The following KLHL10 variants were observed in gnomAD, a reference collection of about 807,000 sequenced individuals.
KLHL10 encodes kelch-like protein 10.
In KLHL10, 11 loss-of-function variants were observed where a neutral mutation model predicts 46.6. That is an observed-to-expected ratio of 0.24 (90% CI 0.15 to 0.39). The LOEUF is 0.39. KLHL10 is among the 10% of genes least tolerant of loss of function. KLHL10 has a pLI of 1.00. For missense variants in KLHL10, 475 were observed against 789.8 expected (o/e 0.60, Z 4.78); for synonymous variants, 254 against 279.1 (o/e 0.91, Z 0.90).
chr17:41,845,065 G>A, intron 2 of KLHL10, 61 bp from the exon 3 acceptor site: 4 of 1,606,568 alleles, frequency 2.5e-6, no homozygotes, highest in Non-Finnish European at 3.4e-6. Flanking sequence ...TGGGAGTTAA[G>A]GATGTGGGAT....
At chr17:41,847,873 C>A in intron 4 of KLHL10, 60 bp from the exon 5 acceptor site, 1 of 1,606,954 alleles carries the variant, frequency 6.2e-7, no homozygotes, top group Non-Finnish European at 8.5e-7. Context: ...CCAACAAGGG[C>A]TTCCTCAGTG....
chr17:41,841,256 C>T (rs2048223537), intron 1 of KLHL10, among the ~76,000 whole-genome samples: 1 of 152,078 alleles, frequency 6.6e-6, no homozygotes, highest in South Asian at 2.1e-4. Flanking sequence ...AAATGCATAT[C>T]AAATCATCAT....
At chr17:41,835,755 G>T, upstream of KLHL10, 1 of 1,175,346 alleles carries the variant, frequency 8.5e-7, no homozygotes, top group Non-Finnish European at 1.2e-6. Context: ...TTGGGGCAGA[G>T]AGCTAGGAGG....
chr17:41,841,197 T>A (rs1179194776), intron 1 of KLHL10, among the ~76,000 whole-genome samples: 2 of 151,892 alleles, frequency 1.3e-5, no homozygotes, highest in African/African-American at 4.8e-5. Flanking sequence ...AGCATTCCTG[T>A]TCTCATGAAG....
At chr17:41,838,754 T>C (rs1418718585) in intron 1 of KLHL10, among the ~76,000 whole-genome samples, 1 of 150,564 alleles carries the variant, frequency 6.6e-6, no homozygotes. Context: ...AATGGCGCCA[T>C]CTCGGCTCAC....
intron 3 of KLHL10, 24 bp downstream of exon 3, chr17:41,845,767 A>T: frequency 6.2e-7 from 1 of 1,613,754 alleles, no homozygotes; most frequent in Non-Finnish European, 8.5e-7. Context: ...GTGGGAGGGG[A>T]AGATGTGGAT....
intron 1 of KLHL10, among the ~76,000 whole-genome samples, chr17:41,840,339 C>T (rs2048214001): frequency 6.6e-6 from 1 of 152,044 alleles, no homozygotes; most frequent in African/African-American, 2.4e-5. Context: ...TTGATTTTTT[C>T]CCCCAACCAG....
chr17:41,845,109 C>G lies in KLHL10; in HGVS notation c.685-17C>G, dbSNP rs782814689. ...ACTCTCACGTCACCTGAATGACTTTCTGCGTTTGCTTCTTAGGTTCGCCTG... is the reference window on the plus strand; with the variant it reads ...ACTCTCACGTCACCTGAATGACTTTGTGCGTTTGCTTCTTAGGTTCGCCTG... On this transcript the variant is annotated splice_polypyrimidine_tract_variant and intron_variant, in intron 2 of 4. Transcript: ENST00000293303. 6.2e-7 allele frequency: 1 copy of G among 1,614,154 alleles called. No individual in the cohort carries two copies. Among genetic ancestry groups the G allele is most frequent in the South Asian group, 1.1e-5 (1 of 91,050 alleles).
intron 3 of KLHL10, among the ~76,000 whole-genome samples, chr17:41,846,083 C>T (rs1417398411): frequency 3.3e-5 from 5 of 151,626 alleles, no homozygotes; most frequent in Non-Finnish European, 5.9e-5. Flanking sequence ...TGGTGGCGGG[C>T]GCCTGTAATC....
intron 2 of KLHL10, among the ~76,000 whole-genome samples, chr17:41,843,339 T>A (rs2048246245): frequency 6.6e-6 from 1 of 151,138 alleles, no homozygotes; most frequent in Admixed American, 6.6e-5. Flanking sequence ...GAACACTCTC[T>A]ACCGAAAATA....
intron 3 of KLHL10, among the ~76,000 whole-genome samples, chr17:41,846,869 CTT>C (rs2048293006): frequency 6.6e-6 from 1 of 152,096 alleles, no homozygotes; most frequent in South Asian, 2.1e-4. Flanking sequence ...AATCCTAGCA[CTT>C]TGGGAGGCTG....
rs542113853 is a variant in KLHL10 at position 41,837,871 on chromosome 17, G to A, written c.-62G>A. The A allele has an allele frequency of 1.9e-6, 3 of 1,607,752 alleles. No individual in the cohort carries two copies. Among genetic ancestry groups the A allele is most frequent in the Middle Eastern group, 2.2e-4 (1 of 4,484 alleles). On this transcript the variant is annotated 5_prime_UTR_variant, in exon 1 of 5. Transcript: ENST00000293303. Reference sequence around the variant, plus strand: ...AAAGGAGCGACAGCTGGCTAAAGGGGCCCCCCACAACCCTCCCCGACACCC... The same window carrying A: ...AAAGGAGCGACAGCTGGCTAAAGGGACCCCCCACAACCCTCCCCGACACCC...
chr17:41,846,946 C>G (rs1555621508), intron 3 of KLHL10, among the ~76,000 whole-genome samples: 1 of 152,126 alleles, frequency 6.6e-6, no homozygotes, highest in Non-Finnish European at 1.5e-5. Context: ...GAAACCTCGT[C>G]TCTACTAAAA....
At position 41,837,922 on chromosome 17, in the gene KLHL10, C is replaced by T; in HGVS notation, c.-11C>T. On this transcript the variant is annotated 5_prime_UTR_variant, in exon 1 of 5. Coordinates refer to ENST00000293303, the MANE Select transcript of KLHL10 (RefSeq NM_152467.5). Reference sequence around the variant, plus strand: ...TAGGAAAGCAGCCTCTCTCCGCTGTCCCAGGGTGCCATGGAGATGGAGAGC... The same window carrying T: ...TAGGAAAGCAGCCTCTCTCCGCTGTTCCAGGGTGCCATGGAGATGGAGAGC... 1 of 1,613,466 alleles carries T rather than the reference C, an allele frequency of 6.2e-7. No individual in the cohort carries two copies. Among genetic ancestry groups the T allele is most frequent in the Non-Finnish European group, 8.5e-7 (1 of 1,179,996 alleles).
Position 41,845,541 on chromosome 17 carries a change from A to G in KLHL10, c.1100A>G (p.His367Arg). Reference sequence around the variant, plus strand: ...TTTGACCCAGTCAAGAAAACTTGGCATCAGGTGGCCCCGATGCACTCCAGA... The same window carrying G: ...TTTGACCCAGTCAAGAAAACTTGGCGTCAGGTGGCCCCGATGCACTCCAGA... ...KRFDPVKKTW[H>R]QVAPMHSRRC... The change falls in exon 3 of 5, where the codon CAT becomes CGT. Residue 367 changes from histidine to arginine, a missense_variant. Physicochemically the swap from His to Arg is conservative, Grantham distance 29. Transcript: ENST00000293303. 4 of 1,614,256 alleles carry G rather than the reference A, an allele frequency of 2.5e-6. No individual in the cohort carries two copies. Among genetic ancestry groups the G allele is most frequent in the Non-Finnish European group, 3.4e-6 (4 of 1,180,036 alleles).
At chr17:41,840,817 T>TA (rs571821397) in intron 1 of KLHL10, among the ~76,000 whole-genome samples, 124 of 147,276 alleles carry the variant, frequency 8.4e-4, no homozygotes, top group African/African-American at 2.9e-3. Context: ...TTAAACTTCT[T>TA]AAAAAAAGGA....
At chr17:41,841,725 G>A (rs2048228094) in intron 1 of KLHL10, 98 bp from the exon 2 acceptor site, 4 of 1,398,368 alleles carry the variant, frequency 2.9e-6, no homozygotes, top group Non-Finnish European at 4.0e-6. Context: ...ACTGTATATA[G>A]CACATGCCTG....
intron 2 of KLHL10, among the ~76,000 whole-genome samples, chr17:41,842,899 T>C (rs2048241185): frequency 6.7e-6 from 1 of 150,056 alleles, no homozygotes; most frequent in South Asian, 2.1e-4. Flanking sequence ...ATCATGCCAC[T>C]GCACTCAAGC....
At chr17:41,839,060 C>T (rs1042716856) in intron 1 of KLHL10, among the ~76,000 whole-genome samples, 5 of 152,096 alleles carry the variant, frequency 3.3e-5, no homozygotes, top group Non-Finnish European at 4.4e-5. Flanking sequence ...GGCGTGATCT[C>T]GGCTCACTGC....
Sources: gnomAD v4.1 joint callset for allele counts (sites outside exome capture counted in the v4.1 genomes callset) on GRCh38, gnomAD v4.1.1 for gene constraint, MANE v1.5 for transcripts, NCBI Gene and HGNC (gene_info 2026-07-23, HGNC 2026-07-21) for gene names.